Variants in SLC39A11 observed in about 807,000 individuals in gnomAD.
The protein encoded by SLC39A11 is zinc transporter ZIP11.
Under a neutral mutation model 36.1 loss-of-function variants are expected in SLC39A11, and 33 were observed. That is an observed-to-expected ratio of 0.91 (90% confidence interval 0.69 to 1.22). The LOEUF (loss-of-function observed/expected upper bound fraction) is 1.22. SLC39A11 is among the 50% of genes most tolerant of loss of function. The pLI, the probability that SLC39A11 is intolerant of heterozygous loss-of-function variation, is 0.00. For missense variants in SLC39A11, 432 were observed against 430.3 expected (o/e 1.00, Z -0.03); for synonymous variants, 166 against 170.3 (o/e 0.97, Z 0.20).
chr17:72,818,481 G>T (rs537155933), intron 6 of SLC39A11, among the ~76,000 whole-genome samples: 82 of 152,318 alleles, frequency 5.4e-4, no homozygotes, highest in African/African-American at 1.9e-3. Flanking sequence ...CTCGCACCTT[G>T]CAGGTAGGAG....
At chr17:72,740,052 T>C (rs1400648321) in intron 6 of SLC39A11, among the ~76,000 whole-genome samples, 143 of 119,038 alleles carry the variant, frequency 1.2e-3, no homozygotes, top group African/African-American at 4.6e-3. Context: ...ATTTCTTTCC[T>C]TTTCTTTTTT....
intron 7 of SLC39A11, among the ~76,000 whole-genome samples, chr17:72,683,781 A>G (rs868622464): frequency 3.3e-5 from 5 of 152,042 alleles, no homozygotes; most frequent in Middle Eastern, 3.4e-3. Context: ...TCAAAGTCAG[A>G]TGTGCTCTTA....
At chr17:73,052,577 T>C (rs1429263589) in intron 3 of SLC39A11, among the ~76,000 whole-genome samples, 1 of 152,106 alleles carries the variant, frequency 6.6e-6, no homozygotes, top group Non-Finnish European at 1.5e-5. Flanking sequence ...AAATAACATT[T>C]ACCAGAACTC....
At chr17:72,673,763 T>A (rs984453066) in intron 7 of SLC39A11, among the ~76,000 whole-genome samples, 2 of 152,008 alleles carry the variant, frequency 1.3e-5, no homozygotes, top group African/African-American at 4.8e-5. Context: ...ACAGTCGGAG[T>A]TATTCAAGAA....
At chr17:72,891,418 G>A (rs924998372) in intron 5 of SLC39A11, among the ~76,000 whole-genome samples, 2 of 152,206 alleles carry the variant, frequency 1.3e-5, no homozygotes, top group Non-Finnish European at 2.9e-5. Context: ...CAAAAAAACA[G>A]AGAAAATAAA....
intron 7 of SLC39A11, among the ~76,000 whole-genome samples, chr17:72,651,648 T>C (rs1567905773): frequency 6.6e-6 from 1 of 152,056 alleles, no homozygotes; most frequent in African/African-American, 2.4e-5. Flanking sequence ...CTAGACTGGC[T>C]GGGGGTGGGA....
intron 6 of SLC39A11, among the ~76,000 whole-genome samples, chr17:72,848,930 T>C (rs1181455369): frequency 6.6e-6 from 1 of 152,154 alleles, no homozygotes; most frequent in African/African-American, 2.4e-5. Context: ...CAGAGAGTTT[T>C]TGGCTTCCCC....
At chr17:72,656,637 C>T (rs1053767434) in intron 7 of SLC39A11, among the ~76,000 whole-genome samples, 9 of 151,956 alleles carry the variant, frequency 5.9e-5, no homozygotes, top group African/African-American at 1.2e-4. Context: ...AGGCCTCTCC[C>T]GGGGAGGTCT....
At position 72,930,278 on chromosome 17, in the gene SLC39A11, C is replaced by T. The variant is rs377075373; in HGVS notation, c.430+17474G>A. Among the ~76,000 whole-genome samples, 8 of 152,230 alleles carry T rather than the reference C, an allele frequency of 5.3e-5. No individual in the cohort carries two copies. In the East Asian group the frequency reaches 5.8e-4, roughly 11 times the overall value. On this transcript the variant is annotated intron_variant, in intron 5 of 9. Coordinates refer to ENST00000255559, the MANE Select transcript of SLC39A11 (RefSeq NM_139177.4). ...CTTGCTTTGTTGTTAAAGTTCCACC[C>T]GCAAATGCTTTCCTCCACTGGCCCA...
At chr17:72,782,705 A>G (rs1306117359) in intron 6 of SLC39A11, among the ~76,000 whole-genome samples, 1 of 149,746 alleles carries the variant, frequency 6.7e-6, no homozygotes, top group Non-Finnish European at 1.5e-5. Context: ...AAAAAAAAAA[A>G]AAAAAAAAAA....
At position 72,900,173 on chromosome 17, in the gene SLC39A11, GA is replaced by G. The variant is rs765084513; in HGVS notation, c.430+47578del. Among the ~76,000 whole-genome samples, 119 of 129,672 alleles carry G rather than the reference GA, an allele frequency of 9.2e-4. 23 individuals are homozygous for G. Among genetic ancestry groups the G allele is most frequent in the African/African-American group, 3.6e-3 (116 of 31,978 alleles). 85.1% of individuals were successfully genotyped at this position (129,672 alleles called of 152,430 possible). On this transcript the variant is annotated intron_variant, in intron 5 of 9. Transcript: ENST00000255559. The stretch of plus-strand genomic sequence containing the variant: ...GAAAGAAAAGAAAGAAAGAAAGAAA[GA>G]AAGAAAGAAAGAAAGAAAGAAAGAA...
chr17:72,667,500 C>G (rs917565656), intron 7 of SLC39A11, among the ~76,000 whole-genome samples: 1 of 152,220 alleles, frequency 6.6e-6, no homozygotes, highest in African/African-American at 2.4e-5. Context: ...GTTTTCTTGG[C>G]TTCCCAGTAT....
intron 3 of SLC39A11, among the ~76,000 whole-genome samples, chr17:73,071,474 A>G (rs2060160326): frequency 6.6e-6 from 1 of 152,222 alleles, no homozygotes; most frequent in African/African-American, 2.4e-5. Flanking sequence ...CCTGTTTGGG[A>G]GGGTCCACCA....
intron 4 of SLC39A11, among the ~76,000 whole-genome samples, chr17:72,987,204 T>C (rs1361646527): frequency 6.6e-6 from 1 of 152,210 alleles, no homozygotes; most frequent in African/African-American, 2.4e-5. Context: ...TCTGCCATGA[T>C]TGGAAGCTTC....
chr17:72,984,718 G>A (rs1285979008), intron 4 of SLC39A11, among the ~76,000 whole-genome samples: 1 of 152,246 alleles, frequency 6.6e-6, no homozygotes, highest in Non-Finnish European at 1.5e-5. Context: ...TACAGGGGCT[G>A]AGAAAGGTGA....
intron 6 of SLC39A11, among the ~76,000 whole-genome samples, chr17:72,841,635 C>T (rs950496357): frequency 6.6e-6 from 1 of 152,014 alleles, no homozygotes; most frequent in Non-Finnish European, 1.5e-5. Flanking sequence ...TAGTTGACAG[C>T]ACAACAGGGT....
chr17:73,014,309 C>T (rs924184910), intron 4 of SLC39A11, among the ~76,000 whole-genome samples: 2 of 152,108 alleles, frequency 1.3e-5, no homozygotes, highest in Non-Finnish European at 2.9e-5. Flanking sequence ...CTCCCTATCC[C>T]GGTGCAATTA....
chr17:72,650,138 C>T (rs1035563499), intron 7 of SLC39A11, among the ~76,000 whole-genome samples: 3 of 152,218 alleles, frequency 2.0e-5, no homozygotes, highest in Non-Finnish European at 2.9e-5. Flanking sequence ...GCTCTGGGCT[C>T]AGCTTCTCCG....
chr17:72,699,128 C>T (rs766034663), intron 7 of SLC39A11, among the ~76,000 whole-genome samples: 4 of 152,044 alleles, frequency 2.6e-5, no homozygotes, highest in Admixed American at 1.3e-4. Context: ...AGCGCCTGGC[C>T]GGAGGTTGGT....
Sources: allele counts gnomAD v4.1 joint callset (sites outside exome capture counted in the v4.1 genomes callset), GRCh38; gene constraint gnomAD v4.1.1; transcripts MANE v1.5; gene names NCBI Gene and HGNC (gene_info 2026-07-23, HGNC 2026-07-21).